The following GGA2 variants were observed in gnomAD, a reference collection of about 807,000 sequenced individuals.
GGA2 encodes golgi associated, gamma adaptin ear containing, ARF binding protein 2, also known as ADP-ribosylation factor-binding protein GGA2.
Under a neutral mutation model 79.5 loss-of-function variants are expected in GGA2, and 48 were observed. The ratio of observed to expected loss-of-function variants is 0.60; its 90% CI spans 0.48 to 0.77. The LOEUF is 0.77. GGA2 is among the 30% of genes least tolerant of loss of function. The pLI, the probability that GGA2 is intolerant of heterozygous loss-of-function variation, is 0.00. For missense variants in GGA2, 770 were observed against 774.0 expected (o/e 0.99, Z 0.06); for synonymous variants, 317 against 302.0 (o/e 1.05, Z -0.51).
At chr16:23,482,318 G>A (rs1964657998) in intron 9 of GGA2, among the ~76,000 whole-genome samples, 1 of 152,102 alleles carries the variant, frequency 6.6e-6, no homozygotes, top group African/African-American at 2.4e-5. Context: ...ACAGACTAGG[G>A]AATGGGTGTG....
At chr16:23,468,539 T>C (rs906012993) in intron 16 of GGA2, among the ~76,000 whole-genome samples, 9 of 151,664 alleles carry the variant, frequency 5.9e-5, no homozygotes, top group Admixed American at 5.9e-4. Context: ...AGTAGTGCGA[T>C]CTCGGCTCAC....
At chr16:23,518,714 A>G (rs564315752) in intron 2 of GGA2, among the ~76,000 whole-genome samples, 5 of 45,054 alleles carry the variant, frequency 1.1e-4, no homozygotes, top group African/African-American at 3.2e-4. Context: ...GATACTGGTA[A>G]CTGTTAAGAG....
At chr16:23,513,563 C>T (rs1461567156), upstream of GGA2, among the ~76,000 whole-genome samples, 1 of 151,994 alleles carries the variant, frequency 6.6e-6, no homozygotes, top group East Asian at 1.9e-4. Context: ...GCGTGCAGAT[C>T]ACTTGGGTCC....
At chr16:23,474,714 A>T (rs1964554884) in intron 14 of GGA2, among the ~76,000 whole-genome samples, 190 bp downstream of exon 14, 1 of 151,920 alleles carries the variant, frequency 6.6e-6, no homozygotes, top group Non-Finnish European at 1.5e-5. Context: ...AGCCTCCCAA[A>T]GTGCTGGGAT....
intron 7 of GGA2, 107 bp downstream of exon 7, chr16:23,486,603 T>A: frequency 1.3e-6 from 1 of 778,376 alleles, no homozygotes. Flanking sequence ...GAGCCACTCT[T>A]TCTCCCAGGC....
At chr16:23,493,763 A>C in intron 3 of GGA2, 1 of 350,456 alleles carries the variant, frequency 2.9e-6, no homozygotes. Flanking sequence ...CTAAAGAACC[A>C]ACCCCTCCCC....
intron 7 of GGA2, 48 bp from the exon 8 acceptor site, chr16:23,486,200 CTG>C (rs1414237205): frequency 3.2e-6 from 5 of 1,575,140 alleles, no homozygotes; most frequent in Non-Finnish European, 4.4e-6. Context: ...GAAACCCTGG[CTG>C]AAGCCTGAAC....
intron 5 of GGA2, among the ~76,000 whole-genome samples, chr16:23,491,306 C>CAAAAAAAAAAAA (rs35347154): frequency 1.5e-5 from 1 of 66,504 alleles, no homozygotes. Flanking sequence ...CACCTTGTCT[C>CAAAAAAAAAAAA]AAAAAAAAAA....
chr16:23,475,877 C>A (rs1964571195), intron 13 of GGA2, among the ~76,000 whole-genome samples: 1 of 151,894 alleles, frequency 6.6e-6, no homozygotes, highest in South Asian at 2.1e-4. Context: ...TTGTGGTGAG[C>A]CGAGATCACA....
chr16:23,519,939 T>C (rs1965125738), intron 1 of GGA2, among the ~76,000 whole-genome samples: 1 of 152,218 alleles, frequency 6.6e-6, no homozygotes. Flanking sequence ...AAATGCCATG[T>C]AATGTTCTAA....
At chr16:23,506,997 A>ACAT (rs1388942201) in intron 1 of GGA2, among the ~76,000 whole-genome samples, 1 of 152,110 alleles carries the variant, frequency 6.6e-6, no homozygotes, top group Non-Finnish European at 1.5e-5. Flanking sequence ...CCCCAATGGA[A>ACAT]CATCAACATG....
At position 23,486,709 on chromosome 16, in the gene GGA2, C is replaced by A. The variant is rs1235696430; in HGVS notation, c.660+1G>T. The stretch of plus-strand genomic sequence containing the variant: ...ACTGAACCAACTGGAAGAATGCCCA[C>A]CTCCTTGACCAAATTCTTGATTAAC... On this transcript the variant is annotated splice_donor_variant, in intron 7 of 16. Coordinates refer to ENST00000309859, the MANE Select transcript of GGA2 (RefSeq NM_015044.4). LOFTEE classifies it high-confidence loss of function. 1 of 1,582,164 alleles carries A rather than the reference C, an allele frequency of 6.3e-7. No individual in the cohort carries two copies. The highest frequency in any genetic ancestry group is 8.7e-7 in the Non-Finnish European group (1 of 1,150,762).
At chr16:23,472,981 C>T (rs1232795101) in intron 14 of GGA2, among the ~76,000 whole-genome samples, 4 of 138,426 alleles carry the variant, frequency 2.9e-5, no homozygotes, top group Admixed American at 8.1e-5. Flanking sequence ...TGCAGTGAGC[C>T]GAGATCATGC....
rs1964401237 is a variant in GGA2 at position 23,463,701 on chromosome 16, ATGG to A, written c.*3886_*3888del. On this transcript the variant is annotated 3_prime_UTR_variant, in exon 17 of 17. Coordinates refer to ENST00000309859, the MANE Select transcript of GGA2 (RefSeq NM_015044.4). Reference sequence around the variant, plus strand: ...CTTTAAAACAAACTGGGGTCAGGACATGGTGGCTCATGCCTGTAATCCCAGCAC... The same window carrying A: ...CTTTAAAACAAACTGGGGTCAGGACATGGCTCATGCCTGTAATCCCAGCAC... 6.6e-6 allele frequency: 1 copy of A among 152,272 alleles called. No individual in the cohort carries two copies. The highest frequency in any genetic ancestry group is 2.4e-5 in the African/African-American group (1 of 41,468). The allele number at this position is 152,272 out of a possible 1,614,324, so 9.4% of individuals were successfully genotyped here.
At chr16:23,475,162 A>C in intron 13 of GGA2, 101 bp from the exon 14 acceptor site, 10 of 613,468 alleles carry the variant, frequency 1.6e-5, no homozygotes, top group East Asian at 3.0e-5. Context: ...TAACACACAC[A>C]CACACACAGA....
chr16:23,503,568 A>G (rs1262836828), intron 1 of GGA2, among the ~76,000 whole-genome samples: 1 of 152,224 alleles, frequency 6.6e-6, no homozygotes, highest in Non-Finnish European at 1.5e-5. Flanking sequence ...ACCTAGTGAT[A>G]ATGTACTTAC....
chr16:23,494,161 C>T (rs548607852), intron 3 of GGA2, 142 bp downstream of exon 3: 10 of 655,990 alleles, frequency 1.5e-5, no homozygotes, highest in South Asian at 1.3e-4. Flanking sequence ...CCAGATCTCC[C>T]TCCTCCAACC....
At chr16:23,505,832 T>C (rs1404712683) in intron 1 of GGA2, among the ~76,000 whole-genome samples, 5 of 152,268 alleles carry the variant, frequency 3.3e-5, no homozygotes, top group East Asian at 1.9e-4. Flanking sequence ...GAGATTGCAG[T>C]AGGGAGAAGA....
chr16:23,512,939 A>G, upstream of GGA2, among the ~76,000 whole-genome samples: 1 of 152,016 alleles, frequency 6.6e-6, no homozygotes, highest in Non-Finnish European at 1.5e-5. Flanking sequence ...TCCTAACCTC[A>G]GGTGATCCGC....
Sources: allele counts gnomAD v4.1 joint callset (sites outside exome capture counted in the v4.1 genomes callset), GRCh38; gene constraint gnomAD v4.1.1; transcripts MANE v1.5; gene names NCBI Gene and HGNC (gene_info 2026-07-23, HGNC 2026-07-21).